ZNF292: variants seen among roughly 807,000 people sequenced by gnomAD.
ZNF292 encodes zinc finger protein 292, also known as 16 zinc-finger domain protein.
A neutral mutation model predicts 217.9 loss-of-function variants in ZNF292; 26 were observed. The observed-to-expected ratio is 0.12, with a 90% CI of 0.09 to 0.17. The LOEUF (loss-of-function observed/expected upper bound fraction) is 0.17. Among genes scored for constraint, ZNF292 ranks in the 10% least tolerant of loss-of-function variants. The pLI, the probability that ZNF292 is intolerant of heterozygous loss-of-function variation, is 1.00. For synonymous variants in ZNF292, 1,257 were observed against 1,124.1 expected (o/e 1.12, Z -2.37); for missense variants, 2,904 against 3,175.2 (o/e 0.91, Z 2.05).
At chr6:87,204,554 ATTTTTTT>A (rs68087857) in intron 1 of ZNF292, among the ~76,000 whole-genome samples, 740 of 63,652 alleles carry the variant, frequency 0.012, 12 homozygotes, top group African/African-American at 0.048. Flanking sequence ...AACATTTAGG[ATTTTTTT>A]TTTTTTTTTT....
At chr6:87,163,466 C>A (rs1335992335) in intron 1 of ZNF292, among the ~76,000 whole-genome samples, 2 of 151,444 alleles carry the variant, frequency 1.3e-5, no homozygotes, top group East Asian at 1.9e-4. Context: ...AAAAAAACCC[C>A]AAAAAAACCA....
At chr6:87,202,082 T>G (rs147987258) in intron 1 of ZNF292, among the ~76,000 whole-genome samples, 1 of 152,236 alleles carries the variant, frequency 6.6e-6, no homozygotes, top group African/African-American at 2.4e-5. Flanking sequence ...AGAATCAACA[T>G]GTCAAATTCT....
At chr6:87,168,294 C>CAA (rs1470722999) in intron 1 of ZNF292, among the ~76,000 whole-genome samples, 5 of 152,106 alleles carry the variant, frequency 3.3e-5, no homozygotes, top group Admixed American at 1.3e-4. Flanking sequence ...CCAGTGTCAT[C>CAA]AAAAAATGTT....
intron 1 of ZNF292, among the ~76,000 whole-genome samples, chr6:87,206,527 T>C (rs2127793447): frequency 6.6e-6 from 1 of 152,322 alleles, no homozygotes; most frequent in East Asian, 1.9e-4. Flanking sequence ...TTTAAGCGTT[T>C]ATCTCCTAAG....
intron 4 of ZNF292, among the ~76,000 whole-genome samples, chr6:87,226,578 A>T (rs75115497): frequency 0.011 from 1,645 of 148,034 alleles, 34 homozygotes; most frequent in African/African-American, 0.037. Context: ...TTTTAAACGC[A>T]CTCTTTGGTT....
rs1775322834 is a variant in ZNF292 at position 87,257,922 on chromosome 6, A to G, written c.4293A>G (p.Ala1431=). The change falls in exon 8 of 8, where the codon GCA becomes GCG. Residue 1431 remains alanine, a synonymous_variant. Coordinates refer to ENST00000369577, the MANE Select transcript of ZNF292 (RefSeq NM_015021.3). ...CCAGCATGATTCTCTCCACAAATGC[A>G]GTAAATTTGCAGCAGCCACAACAAT... ...LLASMILSTN[A]VNLQQPQQST... is the part of the protein sequence containing the mutation. The G allele has an allele frequency of 3.7e-6, 6 of 1,613,950 alleles. No individual in the cohort carries two copies. The East Asian group carries it at 8.9e-5, about 24-fold the overall frequency.
chr6:87,181,528 A>ATT (rs1222142840), intron 1 of ZNF292, among the ~76,000 whole-genome samples: 7 of 152,064 alleles, frequency 4.6e-5, no homozygotes, highest in Admixed American at 1.3e-4. Context: ...TGGGCGCAAA[A>ATT]ACAGGAATGG....
chr6:87,169,757 C>T, intron 1 of ZNF292: 2 of 425,568 alleles, frequency 4.7e-6, no homozygotes, highest in South Asian at 3.3e-5. Context: ...AGTGATCCTC[C>T]CACCTCAGCC....
In ZNF292 at chr6:87,265,692, T is replaced by C. The variant is rs139500784; in HGVS notation, c.*3891T>C. On this transcript the variant is annotated 3_prime_UTR_variant, in exon 8 of 8. Coordinates refer to ENST00000369577, the MANE Select transcript of ZNF292 (RefSeq NM_015021.3). ...GAACTAGCATTCTAAAGAACACACT[T>C]TGGGAAATGCTGATCTCAAATGGCA... 1.0e-3 allele frequency among the ~76,000 whole-genome samples: 159 copies of C among 152,344 alleles called. No individual in the cohort carries two copies. The highest frequency in any genetic ancestry group is 3.8e-3 in the African/African-American group (156 of 41,564).
At chr6:87,183,906 G>GT (rs1464449449) in intron 1 of ZNF292, among the ~76,000 whole-genome samples, 1 of 152,200 alleles carries the variant, frequency 6.6e-6, no homozygotes, top group Non-Finnish European at 1.5e-5. Flanking sequence ...GCCAAAAACT[G>GT]TAATGATTCA....
At chr6:87,240,677 C>T (rs182312627) in intron 5 of ZNF292, among the ~76,000 whole-genome samples, 2 of 152,250 alleles carry the variant, frequency 1.3e-5, no homozygotes, top group Admixed American at 1.3e-4. Context: ...CCATTGGCTT[C>T]CCAAAGTGCT....
In ZNF292 at chr6:87,258,841, A is replaced by T; in HGVS notation, c.5212A>T (p.Thr1738Ser). The T allele has an allele frequency of 6.2e-7, 1 of 1,611,772 alleles. No homozygotes were observed. The highest frequency in any genetic ancestry group is 1.7e-5 in the Admixed American group (1 of 59,616). ...AATGATGGCTTTGAATTCATGCACA[A>T]CTTCAATAAATTCTGATTTGCAGAT... ...SQMMALNSCT[T>S]SINSDLQISE... The change falls in exon 8 of 8, where the codon ACT becomes TCT. Residue 1738 changes from threonine to serine, a missense_variant. Coordinates refer to ENST00000369577, the MANE Select transcript of ZNF292 (RefSeq NM_015021.3).
chr6:87,185,385 G>C (rs748523642), intron 1 of ZNF292, among the ~76,000 whole-genome samples: 3 of 152,186 alleles, frequency 2.0e-5, no homozygotes, highest in African/African-American at 7.2e-5. Flanking sequence ...TTGGGATTAT[G>C]ATGAGCACTG....
intron 7 of ZNF292, among the ~76,000 whole-genome samples, chr6:87,252,553 T>G (rs1261790016): frequency 6.6e-6 from 1 of 152,250 alleles, no homozygotes; most frequent in African/African-American, 2.4e-5. Flanking sequence ...GTACCAGTTC[T>G]TCTGACATTA....
intron 1 of ZNF292, among the ~76,000 whole-genome samples, chr6:87,196,251 A>G (rs2127786260): frequency 6.6e-6 from 1 of 152,328 alleles, no homozygotes; most frequent in South Asian, 2.1e-4. Context: ...GTCATGAAGT[A>G]TTTCAGAGAC....
chr6:87,260,657 A>G lies in ZNF292; in HGVS notation c.7028A>G (p.Asn2343Ser), dbSNP rs1775525764. 4 of 1,612,476 alleles carry G rather than the reference A, an allele frequency of 2.5e-6. No homozygotes were observed. In the South Asian group the frequency reaches 4.4e-5, roughly 18 times the overall value. ...CGAAAGAAAAAAAATAATTTAGAAAACAAGAATGCAAAGATTGTGCAGATT... is the reference window on the plus strand; with the variant it reads ...CGAAAGAAAAAAAATAATTTAGAAAGCAAGAATGCAAAGATTGTGCAGATT... ...TKRKKKNNLE[N>S]KNAKIVQIEE... is the part of the protein sequence containing the mutation. The change falls in exon 8 of 8, where the codon AAC becomes AGC. Residue 2343 changes from asparagine (N) to serine (S), a missense_variant. Coordinates refer to ENST00000369577, the MANE Select transcript of ZNF292 (RefSeq NM_015021.3).
intron 1 of ZNF292, among the ~76,000 whole-genome samples, chr6:87,179,378 C>T (rs1771398707): frequency 6.6e-6 from 1 of 151,974 alleles, no homozygotes; most frequent in Non-Finnish European, 1.5e-5. Context: ...CCAGGAGGGT[C>T]TCGAACTGCC....
At chr6:87,248,302 T>G (rs900571743) in intron 7 of ZNF292, among the ~76,000 whole-genome samples, 5 of 152,236 alleles carry the variant, frequency 3.3e-5, no homozygotes, top group Non-Finnish European at 1.5e-5. Flanking sequence ...GGTCAGTAAG[T>G]CTTAGATGTA....
rs778931893 is a variant in ZNF292 at position 87,233,307 on chromosome 6, A to C, written c.539-18A>C. On this transcript the variant is annotated intron_variant, in intron 4 of 7. Transcript: ENST00000369577. ...TATTACCAAATGTTAATAATCTATTATGTCTTGTTTTTTAAAGTGAATGAA... is the reference window on the plus strand; with the variant it reads ...TATTACCAAATGTTAATAATCTATTCTGTCTTGTTTTTTAAAGTGAATGAA... 1.3e-6 allele frequency: 2 copies of C among 1,555,250 alleles called. No homozygotes were observed. Among genetic ancestry groups the C allele is most frequent in the Non-Finnish European group, 1.8e-6 (2 of 1,134,610 alleles).
Sources: allele counts gnomAD v4.1 joint callset (sites outside exome capture counted in the v4.1 genomes callset), GRCh38; gene constraint gnomAD v4.1.1; transcripts MANE v1.5; gene names NCBI Gene and HGNC (gene_info 2026-07-23, HGNC 2026-07-21).